Variants in ZFPM2 observed in about 807,000 individuals in gnomAD.
ZFPM2 encodes zinc finger protein, FOG family member 2.
A neutral mutation model predicts 98.6 loss-of-function variants in ZFPM2; 20 were observed. That is an observed-to-expected ratio of 0.20 (90% confidence interval 0.14 to 0.29). ZFPM2 has a LOEUF of 0.29. Among genes scored for constraint, ZFPM2 ranks in the 10% least tolerant of loss-of-function variants. The probability of loss-of-function intolerance (pLI) is 1.00; values close to 1 mark genes in which losing one functional copy is unlikely to be tolerated. For synonymous variants in ZFPM2, 518 were observed against 502.7 expected (o/e 1.03, Z -0.41); for missense variants, 1,310 against 1,388.6 (o/e 0.94, Z 0.90).
intron 5 of ZFPM2, among the ~76,000 whole-genome samples, chr8:105,659,205 T>C (rs1817343655): frequency 4.6e-5 from 7 of 151,918 alleles, no homozygotes. Flanking sequence ...GCCAGAGAAA[T>C]ACATTTTTAA....
chr8:105,382,429 T>C (rs1237227871), intron 1 of ZFPM2, among the ~76,000 whole-genome samples: 2 of 152,150 alleles, frequency 1.3e-5, no homozygotes, highest in Non-Finnish European at 2.9e-5. Context: ...TATCAAACTA[T>C]AGAAGTTTTT....
chr8:105,521,659 C>A (rs1484403212), intron 3 of ZFPM2, among the ~76,000 whole-genome samples: 1 of 151,906 alleles, frequency 6.6e-6, no homozygotes, highest in Non-Finnish European at 1.5e-5. Flanking sequence ...GTCACTGCAA[C>A]CTCTGCCTCC....
intron 3 of ZFPM2, among the ~76,000 whole-genome samples, chr8:105,504,951 A>G (rs1344852103): frequency 7.1e-6 from 1 of 140,408 alleles, no homozygotes; most frequent in Non-Finnish European, 1.5e-5. Context: ...AAAAGTATTA[A>G]TAAGGAATGA....
At chr8:105,443,140 C>T (rs1420394330) in intron 2 of ZFPM2, among the ~76,000 whole-genome samples, 1 of 151,870 alleles carries the variant, frequency 6.6e-6, no homozygotes, top group East Asian at 1.9e-4. Context: ...GAAACCCCAT[C>T]TCTACTAAAA....
chr8:105,771,628 G>A (rs189466234), intron 5 of ZFPM2, among the ~76,000 whole-genome samples: 5 of 152,062 alleles, frequency 3.3e-5, no homozygotes, highest in African/African-American at 1.2e-4. Flanking sequence ...CATCACACGA[G>A]CAAAAATTTG....
At chr8:105,738,645 A>G (rs1269898820) in intron 5 of ZFPM2, among the ~76,000 whole-genome samples, 1 of 152,062 alleles carries the variant, frequency 6.6e-6, no homozygotes, top group Non-Finnish European at 1.5e-5. Context: ...CCAACAGTGT[A>G]TAGCATTCCT....
intron 1 of ZFPM2, among the ~76,000 whole-genome samples, chr8:105,397,153 C>T (rs1293638843): frequency 6.6e-6 from 1 of 152,124 alleles, no homozygotes; most frequent in Admixed American, 6.5e-5. Flanking sequence ...CTTCCATCCC[C>T]CTCTATCATA....
intron 4 of ZFPM2, among the ~76,000 whole-genome samples, chr8:105,573,899 A>G (rs1815408450): frequency 6.6e-6 from 1 of 152,222 alleles, no homozygotes; most frequent in Non-Finnish European, 1.5e-5. Flanking sequence ...GTAATCATAC[A>G]TGCTCTTAGT....
At chr8:105,554,822 A>G (rs1389869940) in intron 3 of ZFPM2, among the ~76,000 whole-genome samples, 4 of 152,120 alleles carry the variant, frequency 2.6e-5, no homozygotes, top group Admixed American at 6.6e-5. Context: ...GCTGGTAACT[A>G]TTCTAAAAGA....
Position 105,789,222 on chromosome 8 carries a change from C to T in ZFPM2, c.739+298C>T, listed in dbSNP as rs182163657. Among the ~76,000 whole-genome samples, 324 of 152,238 alleles carry T rather than the reference C, an allele frequency of 2.1e-3. 1 individual carries two copies. Among genetic ancestry groups the T allele is most frequent in the African/African-American group, 7.4e-3 (307 of 41,556 alleles). ...CTAGCATTGGGTATATCTCCCAATG[C>T]TATCCTTCCCCGCTCCCCCCACCCC... On this transcript the variant is annotated intron_variant, in intron 6 of 7. Transcript: ENST00000407775.
At chr8:105,723,636 C>A (rs963066342) in intron 5 of ZFPM2, among the ~76,000 whole-genome samples, 3 of 151,820 alleles carry the variant, frequency 2.0e-5, no homozygotes, top group African/African-American at 4.8e-5. Flanking sequence ...TCGAGGCCTT[C>A]TTGTTGTACA....
Position 105,579,343 on chromosome 8 carries a change from AACTT to A in ZFPM2, c.420+17868_420+17871del, listed in dbSNP as rs1815536837. ...AACTAGCCTTAAGATTTTTAAAAAG[AACTT>A]ACTTAATTGAGTCTGTTCAGATCTC... is the stretch of plus-strand genomic sequence containing the variant. On this transcript the variant is annotated intron_variant, in intron 4 of 7. Coordinates refer to ENST00000407775, the MANE Select transcript of ZFPM2 (RefSeq NM_012082.4). Among the ~76,000 whole-genome samples the A allele has an allele frequency of 2.6e-5, 4 of 152,290 alleles. No homozygotes were observed. The South Asian group carries it at 8.3e-4, about 32-fold the overall frequency.
At chr8:105,634,860 G>T (rs982627288) in intron 5 of ZFPM2, among the ~76,000 whole-genome samples, 1 of 152,142 alleles carries the variant, frequency 6.6e-6, no homozygotes, top group African/African-American at 2.4e-5. Context: ...ATTTCTGAAG[G>T]GCAGGAGGCA....
intron 5 of ZFPM2, among the ~76,000 whole-genome samples, chr8:105,643,391 C>G (rs1275598703): frequency 6.6e-6 from 1 of 152,096 alleles, no homozygotes; most frequent in Non-Finnish European, 1.5e-5. Flanking sequence ...TCATTCTAAT[C>G]ACTTTCTTAG....
chr8:105,697,935 T>C (rs1174047630), intron 5 of ZFPM2, among the ~76,000 whole-genome samples: 2 of 152,190 alleles, frequency 1.3e-5, no homozygotes, highest in Non-Finnish European at 2.9e-5. Context: ...AGTTGTGAGT[T>C]TGTGTTTTAT....
intron 5 of ZFPM2, among the ~76,000 whole-genome samples, chr8:105,722,351 T>C (rs1414131414): frequency 6.6e-6 from 1 of 151,888 alleles, no homozygotes; most frequent in Non-Finnish European, 1.5e-5. Flanking sequence ...TATTTTTCGA[T>C]TATTCCAATT....
At chr8:105,641,345 C>T (rs548425764) in intron 5 of ZFPM2, among the ~76,000 whole-genome samples, 5 of 151,970 alleles carry the variant, frequency 3.3e-5, no homozygotes, top group East Asian at 1.9e-4. Flanking sequence ...AACGCGATGC[C>T]GAAAACCCAT....
At chr8:105,631,796 A>G (rs540320716) in intron 4 of ZFPM2, among the ~76,000 whole-genome samples, 65 of 152,268 alleles carry the variant, frequency 4.3e-4, no homozygotes, top group Non-Finnish European at 7.8e-4. Context: ...AAATCAATTG[A>G]TTTACTTTAT....
At position 105,603,954 on chromosome 8, in the gene ZFPM2, G is replaced by A. The variant is rs138612731; in HGVS notation, c.421-30292G>A. On this transcript the variant is annotated intron_variant, in intron 4 of 7. Transcript: ENST00000407775. The stretch of plus-strand genomic sequence containing the variant: ...TGCTAAATATTGAGTCCAGGACTCC[G>A]GTCTATTCTTTTCTTTAGATGGTCT... Among the ~76,000 whole-genome samples the A allele has an allele frequency of 7.3e-3, 1,116 of 151,958 alleles. 14 individuals are homozygous for A. The highest frequency in any genetic ancestry group is 0.026 in the African/African-American group (1,062 of 41,456).
Sources: gnomAD v4.1 joint callset for allele counts (sites outside exome capture counted in the v4.1 genomes callset) on GRCh38, gnomAD v4.1.1 for gene constraint, MANE v1.5 for transcripts, NCBI Gene and HGNC (gene_info 2026-07-23, HGNC 2026-07-21) for gene names.